HNF1B: variants seen among roughly 807,000 people sequenced by gnomAD.
HNF1B encodes the protein hepatocyte nuclear factor 1-beta.
Under a neutral mutation model 61.7 loss-of-function variants are expected in HNF1B, and 8 were observed. The observed-to-expected ratio is 0.13, with a 90% CI of 0.08 to 0.23. HNF1B has a LOEUF of 0.23. Ranked by LOEUF, HNF1B falls within the 10% of genes least tolerant of loss-of-function variation. The pLI is 1.00. For missense variants in HNF1B, 562 were observed against 714.5 expected (o/e 0.79, Z 2.43); for synonymous variants, 314 against 287.7 (o/e 1.09, Z -0.93).
intron 2 of HNF1B, 47 bp downstream of exon 2, chr17:37,739,393 G>A (rs374384374): frequency 5.1e-6 from 8 of 1,572,402 alleles, no homozygotes; most frequent in Non-Finnish European, 7.0e-6. Flanking sequence ...GGGTGAGAGG[G>A]CAAAGGTCAC....
At chr17:37,720,041 G>C (rs955881644) in intron 4 of HNF1B, among the ~76,000 whole-genome samples, 1 of 152,120 alleles carries the variant, frequency 6.6e-6, no homozygotes, top group Non-Finnish European at 1.5e-5. Context: ...GCCCAAGGAG[G>C]CTCGTCCCAA....
At chr17:37,696,017 A>G (rs2032371527) in intron 8 of HNF1B, among the ~76,000 whole-genome samples, 1 of 152,064 alleles carries the variant, frequency 6.6e-6, no homozygotes. Flanking sequence ...TATGGTCTGG[A>G]TGTGTGTCCC....
chr17:37,728,310 GTTT>G (rs548097922), intron 4 of HNF1B, among the ~76,000 whole-genome samples: 1 of 139,386 alleles, frequency 7.2e-6, no homozygotes, highest in Non-Finnish European at 1.6e-5. Flanking sequence ...CCCACAGAGC[GTTT>G]TTTTTTTTTT....
intron 8 of HNF1B, among the ~76,000 whole-genome samples, chr17:37,694,717 G>A (rs2032328793): frequency 1.3e-5 from 2 of 152,028 alleles, no homozygotes; most frequent in African/African-American, 4.8e-5. Context: ...AGAGAACTTG[G>A]CTGCATTGTG....
intron 1 of HNF1B, among the ~76,000 whole-genome samples, chr17:37,741,094 A>G (rs2033978924): frequency 6.6e-6 from 1 of 152,236 alleles, no homozygotes; most frequent in Non-Finnish European, 1.5e-5. Context: ...GAACAAGAAA[A>G]AAAACGGAAG....
chr17:37,721,511 C>G (rs2033313705), intron 4 of HNF1B, among the ~76,000 whole-genome samples: 1 of 152,102 alleles, frequency 6.6e-6, no homozygotes, highest in African/African-American at 2.4e-5. Flanking sequence ...GCCAGAATTC[C>G]CAGGAAGTTA....
intron 5 of HNF1B, among the ~76,000 whole-genome samples, 155 bp downstream of exon 5, chr17:37,710,348 C>T (rs1256262651): frequency 6.6e-6 from 1 of 152,274 alleles, no homozygotes; most frequent in East Asian, 1.9e-4. Flanking sequence ...GGCTGGGTCA[C>T]CAGCACTACC....
At chr17:37,733,888 A>T in intron 2 of HNF1B, 67 bp from the exon 3 acceptor site, 1 of 1,576,288 alleles carries the variant, frequency 6.3e-7, no homozygotes, top group Admixed American at 1.7e-5. Context: ...ACAGACAGAC[A>T]GACAGACAAC....
chr17:37,699,824 C>T (rs935851775), intron 7 of HNF1B, among the ~76,000 whole-genome samples: 3 of 152,244 alleles, frequency 2.0e-5, no homozygotes, highest in South Asian at 2.1e-4. Flanking sequence ...TCCACAGGCC[C>T]GAGTGGGGAT....
intron 1 of HNF1B, among the ~76,000 whole-genome samples, chr17:37,742,304 C>T (rs1219572618): frequency 6.6e-6 from 1 of 152,258 alleles, no homozygotes; most frequent in Non-Finnish European, 1.5e-5. Flanking sequence ...GAAAGGCCAG[C>T]TCCGGCCGGG....
rs546245403 is a variant in HNF1B, at chr17:37,713,257, C to A, written c.1046-2594G>T. ...CAAGTCAAACAGTCTCTGGATTTAG[C>A]CTATTTAATTTGGCTGATGGAAAAG... On this transcript the variant is annotated intron_variant, in intron 4 of 8. Coordinates refer to ENST00000617811, the MANE Select transcript of HNF1B (RefSeq NM_000458.4). Among the ~76,000 whole-genome samples the A allele has an allele frequency of 1.7e-4, 26 of 152,298 alleles. No individual in the cohort carries two copies. The East Asian group carries it at 4.8e-3, about 28-fold the overall frequency.
chr17:37,723,191 C>CA (rs1376440235), intron 4 of HNF1B, among the ~76,000 whole-genome samples: 1 of 149,216 alleles, frequency 6.7e-6, no homozygotes, highest in South Asian at 2.1e-4. Flanking sequence ...AAAAAAAATA[C>CA]AAAAAATTAG....
chr17:37,699,338 A>G, intron 7 of HNF1B, 144 bp from the exon 8 acceptor site: 1 of 725,848 alleles, frequency 1.4e-6, no homozygotes, highest in Non-Finnish European at 2.5e-6. Flanking sequence ...CATATTAGTT[A>G]TCCATAAGAT....
chr17:37,743,323 G>A (rs1405974706), intron 1 of HNF1B, among the ~76,000 whole-genome samples: 2 of 152,228 alleles, frequency 1.3e-5, no homozygotes, highest in African/African-American at 4.8e-5. Context: ...CCGCCTCGCG[G>A]AACTCTCTTG....
intron 8 of HNF1B, among the ~76,000 whole-genome samples, chr17:37,695,608 G>C (rs4795215): frequency 0.14 from 21,661 of 152,244 alleles, 1,610 homozygotes; most frequent in Middle Eastern, 0.21. Flanking sequence ...CACAGGAACA[G>C]AGCTGCCCAA....
At chr17:37,698,525 C>T (rs2032459532) in intron 8 of HNF1B, among the ~76,000 whole-genome samples, 1 of 152,204 alleles carries the variant, frequency 6.6e-6, no homozygotes, top group Non-Finnish European at 1.5e-5. Flanking sequence ...CAAGTGGATG[C>T]TTACCCCTGG....
chr17:37,718,727 A>G (rs1345499880), intron 4 of HNF1B, among the ~76,000 whole-genome samples: 1 of 152,214 alleles, frequency 6.6e-6, no homozygotes, highest in Non-Finnish European at 1.5e-5. Context: ...TGTAAGCCCC[A>G]TGAGGGCAGG....
Position 37,739,447 on chromosome 17 carries a change from G to T in HNF1B, c.537C>A (p.Ile179=). ...CAGGATGAAAACACTTACGTCGGAGGATCTCTCGTTGCTTTCTGACGTACC... is the reference window on the plus strand; with the variant it reads ...CAGGATGAAAACACTTACGTCGGAGTATCTCTCGTTGCTTTCTGACGTACC... ...YTWYVRKQRE[I]LRQFNQTVQS... Residue 179 remains isoleucine (I), a synonymous_variant, in exon 2 of 9, where the codon ATC becomes ATA. Transcript: ENST00000617811. The T allele has an allele frequency of 1.9e-6, 3 of 1,614,082 alleles. No homozygotes were observed. The highest frequency in any genetic ancestry group is 2.2e-5 in the South Asian group (2 of 91,078).
chr17:37,731,383 G>T (rs1252093522), intron 4 of HNF1B: 1 of 674,132 alleles, frequency 1.5e-6, no homozygotes, highest in Non-Finnish European at 2.7e-6. Flanking sequence ...AGCCGAGTGA[G>T]CCCTCACAGG....
Sources: allele counts gnomAD v4.1 joint callset (sites outside exome capture counted in the v4.1 genomes callset), GRCh38; gene constraint gnomAD v4.1.1; transcripts MANE v1.5; gene names NCBI Gene and HGNC (gene_info 2026-07-23, HGNC 2026-07-21).